The following RAB11FIP3 variants were observed in gnomAD, a reference collection of about 807,000 sequenced individuals.
RAB11FIP3 encodes rab11 family-interacting protein 3.
In RAB11FIP3, 17 loss-of-function variants were observed where a neutral mutation model predicts 77.8. The observed-to-expected ratio is 0.22, with a 90% CI of 0.15 to 0.33. The LOEUF is 0.33. RAB11FIP3 is among the 10% of genes least tolerant of loss of function. The pLI, the probability that RAB11FIP3 is intolerant of heterozygous loss-of-function variation, is 1.00. For synonymous variants in RAB11FIP3, 437 were observed against 448.2 expected (o/e 0.98, Z 0.31); for missense variants, 1,005 against 1,011.2 (o/e 0.99, Z 0.08).
At chr16:464,125 G>T (rs1380491630) in intron 2 of RAB11FIP3, among the ~76,000 whole-genome samples, 1 of 152,140 alleles carries the variant, frequency 6.6e-6, no homozygotes, top group Non-Finnish European at 1.5e-5. Context: ...CTGGGTCAAG[G>T]GGGCCTGCAG....
At chr16:486,221 T>C (rs1449246515) in intron 4 of RAB11FIP3, among the ~76,000 whole-genome samples, 2 of 152,050 alleles carry the variant, frequency 1.3e-5, no homozygotes, top group Non-Finnish European at 2.9e-5. Context: ...GTATAACTCT[T>C]GGTGGGGCAT....
At chr16:481,177 G>A (rs1040278807) in intron 3 of RAB11FIP3, among the ~76,000 whole-genome samples, 1 of 151,932 alleles carries the variant, frequency 6.6e-6, no homozygotes, top group African/African-American at 2.4e-5. Flanking sequence ...GAGCACAGTG[G>A]TGTGATCACA....
At chr16:467,762 A>T (rs796284649) in intron 2 of RAB11FIP3, among the ~76,000 whole-genome samples, 8 of 19,162 alleles carry the variant, frequency 4.2e-4, no homozygotes, top group East Asian at 1.5e-3. Context: ...GAGGAGGTGC[A>T]GGGGCGTCAG....
intron 1 of RAB11FIP3, among the ~76,000 whole-genome samples, chr16:455,335 G>A (rs946703478): frequency 1.3e-5 from 2 of 151,774 alleles, no homozygotes; most frequent in Admixed American, 6.6e-5. Context: ...TCAGCCGGGC[G>A]TGGTGGCACG....
rs191328734 is a variant in RAB11FIP3 at position 437,105 on chromosome 16, C to T, written c.714+10385C>T. ...AGCCTGGACAACATGATACAAAACC[C>T]TGTCCCTACTAAAAATACAAAAATT... On this transcript the variant is annotated intron_variant, in intron 1 of 13. Transcript: ENST00000262305. 2.0e-5 allele frequency among the ~76,000 whole-genome samples: 3 copies of T among 151,564 alleles called. No homozygotes were observed. The East Asian group carries it at 5.9e-4, about 30-fold the overall frequency.
At chr16:464,482 A>T (rs1167380292) in intron 2 of RAB11FIP3, among the ~76,000 whole-genome samples, 3 of 152,124 alleles carry the variant, frequency 2.0e-5, no homozygotes, top group Non-Finnish European at 4.4e-5. Context: ...GGTTCTCCTC[A>T]GGTTACTCCT....
chr16:491,019 A>G, intron 5 of RAB11FIP3: 1 of 944,684 alleles, frequency 1.1e-6, no homozygotes, highest in Non-Finnish European at 1.4e-6. Context: ...TTCTCTCTCC[A>G]CGTGCTTTTG....
rs753027019 is a variant in RAB11FIP3, at chr16:482,615, G to C, written c.994G>C (p.Val332Leu). ...TFTDEDTSTL[V>L]HPELQPEGDA... ...CACGGACGAGGACACCAGCACCCTG[G>C]TGCACCCTGAGCTGCAACCTGAAGG... Residue 332 changes from valine to leucine, a missense_variant, in exon 4 of 14, where the codon GTG becomes CTG. This residue lies in a region of RAB11FIP3 where 433 missense variants were observed against 436.1 expected (regional missense o/e 0.99). Transcript: ENST00000262305. 1.9e-6 allele frequency: 3 copies of C among 1,613,574 alleles called. No individual in the cohort carries two copies. The highest frequency in any genetic ancestry group is 2.2e-5 in the South Asian group (2 of 91,084).
intron 1 of RAB11FIP3, among the ~76,000 whole-genome samples, chr16:455,715 C>T (rs2055492568): frequency 6.6e-6 from 1 of 152,052 alleles, no homozygotes; most frequent in African/African-American, 2.4e-5. Context: ...CCCACCTCAG[C>T]CTTCCAAGTA....
At position 425,959 on chromosome 16, in the gene RAB11FIP3, C is replaced by T; in HGVS notation, c.-48C>T. 2 of 760,360 alleles carry T rather than the reference C, an allele frequency of 2.6e-6. No individual in the cohort carries two copies. Among genetic ancestry groups the T allele is most frequent in the Non-Finnish European group, 3.0e-6 (2 of 662,804 alleles). The allele number at this position is 760,360 out of a possible 1,614,324, so 47.1% of individuals were successfully genotyped here. On this transcript the variant is annotated 5_prime_UTR_variant, in exon 1 of 14. Coordinates refer to ENST00000262305, the MANE Select transcript of RAB11FIP3 (RefSeq NM_014700.4). ...CGCGCCCGCCGCCGCGCCCTGAGCGCCTTTGTCTGCCGCCCGCGCCCTTCC... is the reference window on the plus strand; with the variant it reads ...CGCGCCCGCCGCCGCGCCCTGAGCGTCTTTGTCTGCCGCCCGCGCCCTTCC...
intron 6 of RAB11FIP3, chr16:497,590 G>A (rs189739439): frequency 3.4e-5 from 24 of 715,944 alleles, no homozygotes; most frequent in African/African-American, 2.3e-4. Context: ...CTGTTGTGCC[G>A]GGCGTTCTCC....
intron 2 of RAB11FIP3, among the ~76,000 whole-genome samples, chr16:470,137 C>T (rs1279457279): frequency 6.6e-6 from 1 of 152,132 alleles, no homozygotes; most frequent in Non-Finnish European, 1.5e-5. Flanking sequence ...GCTGAAATTA[C>T]AGGTGTTCGC....
At chr16:477,774 AT>A in intron 3 of RAB11FIP3, 2 of 693,560 alleles carry the variant, frequency 2.9e-6, no homozygotes, top group Non-Finnish European at 3.5e-6. Flanking sequence ...TGTAGGGGAG[AT>A]TATAATTGGA....
chr16:506,493 C>G lies in RAB11FIP3; in HGVS notation c.1499+866C>G, dbSNP rs1478814368. On this transcript the variant is annotated intron_variant, in intron 8 of 13. Coordinates refer to ENST00000262305, the MANE Select transcript of RAB11FIP3 (RefSeq NM_014700.4). This position sits in a 1 kb window ranked among gnomAD's most constrained non-coding sequence, Gnocchi z 4.5. ...GCTCTTCCACATATTCTCAGCTCGGCCAAGGGCCCTGTCCCTTGAAGCTTC... is the reference window on the plus strand; with the variant it reads ...GCTCTTCCACATATTCTCAGCTCGGGCAAGGGCCCTGTCCCTTGAAGCTTC... Among the ~76,000 whole-genome samples, 1 of 152,164 alleles carries G rather than the reference C, an allele frequency of 6.6e-6. No individual in the cohort carries two copies. Among genetic ancestry groups the G allele is most frequent in the Non-Finnish European group, 1.5e-5 (1 of 68,024 alleles).
rs920746612 is a variant in RAB11FIP3 at position 471,928 on chromosome 16, G to A, written c.903+539G>A. On this transcript the variant is annotated intron_variant, in intron 3 of 13. Coordinates refer to ENST00000262305, the MANE Select transcript of RAB11FIP3 (RefSeq NM_014700.4). The surrounding 1 kb of genome is among the most constrained non-coding windows in gnomAD (Gnocchi z 4.4). ...TCGACAGAGCGTAACCATGTCCGCC[G>A]GTCTGGAGGGTTAGATTCCAGGAGA... Among the ~76,000 whole-genome samples the A allele has an allele frequency of 6.6e-6, 1 of 152,126 alleles. No homozygotes were observed. Among genetic ancestry groups the A allele is most frequent in the Admixed American group, 6.5e-5 (1 of 15,272 alleles).
Position 506,455 on chromosome 16 carries a change from C to T in RAB11FIP3, c.1499+828C>T, listed in dbSNP as rs919368635. On this transcript the variant is annotated intron_variant, in intron 8 of 13. Coordinates refer to ENST00000262305, the MANE Select transcript of RAB11FIP3 (RefSeq NM_014700.4). This position sits in a 1 kb window ranked among gnomAD's most constrained non-coding sequence, Gnocchi z 4.5. ...GAGCTTCTGTCCCTGCCCAGCTGCG[C>T]GGGCACATCCCGGCTCTTCCACATA... Among the ~76,000 whole-genome samples the T allele has an allele frequency of 1.3e-5, 2 of 152,158 alleles. No homozygotes were observed. Among genetic ancestry groups the T allele is most frequent in the Non-Finnish European group, 2.9e-5 (2 of 68,030 alleles).
intron 1 of RAB11FIP3, among the ~76,000 whole-genome samples, chr16:447,985 G>T (rs888248273): frequency 2.4e-5 from 3 of 127,624 alleles, no homozygotes; most frequent in Non-Finnish European, 5.7e-5. Flanking sequence ...AATTAAAAAA[G>T]GAAAAAGAAA....
intron 1 of RAB11FIP3, among the ~76,000 whole-genome samples, chr16:436,088 C>T (rs2055122122): frequency 6.6e-6 from 1 of 152,118 alleles, no homozygotes; most frequent in African/African-American, 2.4e-5. Flanking sequence ...ACGCCGGCGA[C>T]TCACAAGGTC....
chr16:441,463 A>C (rs926062335), intron 1 of RAB11FIP3, among the ~76,000 whole-genome samples: 1 of 152,162 alleles, frequency 6.6e-6, no homozygotes, highest in African/African-American at 2.4e-5. Context: ...CCCTCCAGTA[A>C]GTCCTGCCGA....
Sources: gnomAD v4.1 joint callset for allele counts (sites outside exome capture counted in the v4.1 genomes callset) on GRCh38, gnomAD v4.1.1 for gene constraint, gnomAD v4.1.1 regional missense constraint, Gnocchi (gnomAD v3.1) non-coding constraint, MANE v1.5 for transcripts, NCBI Gene and HGNC (gene_info 2026-07-23, HGNC 2026-07-21) for gene names.